The following GPC6 variants were observed in gnomAD, a reference collection of about 807,000 sequenced individuals.
GPC6 encodes the protein glypican-6.
In GPC6, 14 loss-of-function variants were observed where a neutral mutation model predicts 55.2. The observed-to-expected ratio is 0.25, with a 90% CI of 0.17 to 0.40. GPC6 has a LOEUF of 0.40. GPC6 is among the 10% of genes least tolerant of loss of function. The pLI is 1.00. For missense variants in GPC6, 641 were observed against 708.5 expected (o/e 0.90, Z 1.08); for synonymous variants, 278 against 259.6 (o/e 1.07, Z -0.68).
intron 2 of GPC6, among the ~76,000 whole-genome samples, chr13:93,612,500 AACACACACACACACAC>A (rs3138575): frequency 7.2e-5 from 10 of 139,366 alleles, no homozygotes; most frequent in South Asian, 2.3e-4. Flanking sequence ...CTCCGTCTAA[AACACACACACACACAC>A]ACACACACAC....
chr13:94,131,934 A>G (rs186649658), intron 4 of GPC6, among the ~76,000 whole-genome samples: 1 of 152,316 alleles, frequency 6.6e-6, no homozygotes, highest in Admixed American at 6.5e-5. Flanking sequence ...AGTTTAGGAA[A>G]TCTTAGATTA....
At chr13:93,859,226 G>A (rs911191371) in intron 3 of GPC6, among the ~76,000 whole-genome samples, 1 of 151,448 alleles carries the variant, frequency 6.6e-6, no homozygotes, top group Admixed American at 6.6e-5. Context: ...GCACAAACAT[G>A]TACTTATACC....
rs1235253426 is a variant in GPC6, at chr13:93,896,757, G to T, written c.711+66212G>T. Among the ~76,000 whole-genome samples, 5 of 151,912 alleles carry T rather than the reference G, an allele frequency of 3.3e-5. No homozygotes were observed. In the East Asian group the frequency reaches 9.7e-4, roughly 29 times the overall value. On this transcript the variant is annotated intron_variant, in intron 3 of 8. Transcript: ENST00000377047. Reference sequence around the variant, plus strand: ...TGTTAGCCTCTTACTCTCGCATCAGGTTCATTTCATGTGACTATCACCTGG... The same window carrying T: ...TGTTAGCCTCTTACTCTCGCATCAGTTTCATTTCATGTGACTATCACCTGG...
intron 2 of GPC6, among the ~76,000 whole-genome samples, chr13:93,789,500 T>C (rs1338704707): frequency 1.3e-5 from 1 of 79,048 alleles, no homozygotes; most frequent in Non-Finnish European, 2.7e-5. Flanking sequence ...TCTCTCTCTC[T>C]CTCTCTCTCT....
At chr13:93,846,486 C>T (rs1031561879) in intron 3 of GPC6, among the ~76,000 whole-genome samples, 4 of 152,142 alleles carry the variant, frequency 2.6e-5, no homozygotes, top group Admixed American at 6.6e-5. Flanking sequence ...TAGTGCTATT[C>T]GACAGGAATA....
intron 5 of GPC6, among the ~76,000 whole-genome samples, chr13:94,295,930 A>G (rs1875309174): frequency 2.0e-5 from 3 of 151,960 alleles, no homozygotes; most frequent in African/African-American, 7.3e-5. Context: ...TATTCTGCCT[A>G]TCAGTTCCCA....
At chr13:93,735,187 A>G (rs189471004) in intron 2 of GPC6, among the ~76,000 whole-genome samples, 101 of 152,298 alleles carry the variant, frequency 6.6e-4, no homozygotes, top group African/African-American at 2.4e-3. Context: ...AAACTCAATT[A>G]ACTATTTCGT....
intron 6 of GPC6, among the ~76,000 whole-genome samples, chr13:94,359,713 T>C (rs1041867097): frequency 1.3e-5 from 2 of 152,176 alleles, no homozygotes; most frequent in African/African-American, 4.8e-5. Context: ...ACTGCTTAGC[T>C]ACCAAATCTA....
chr13:93,823,156 C>T (rs557167816), intron 2 of GPC6, among the ~76,000 whole-genome samples: 6 of 152,082 alleles, frequency 3.9e-5, no homozygotes, highest in African/African-American at 1.4e-4. Context: ...AGCCACCATG[C>T]CTGGCCGAAA....
At chr13:93,710,169 A>C (rs1044437440) in intron 2 of GPC6, among the ~76,000 whole-genome samples, 3 of 151,850 alleles carry the variant, frequency 2.0e-5, no homozygotes, top group African/African-American at 7.2e-5. Flanking sequence ...TTTGAATTAC[A>C]TGAACATAAT....
In GPC6 at chr13:93,988,705, T is replaced by C. The variant is rs1594645662; in HGVS notation, c.712-39024T>C. Among the ~76,000 whole-genome samples the C allele has an allele frequency of 2.0e-5, 3 of 152,186 alleles. No homozygotes were observed. In the South Asian group the frequency reaches 6.2e-4, roughly 32 times the overall value. ...TCCCCACCCTCATGACCTAATTGTC[T>C]CCCAAACGCTCTACCTCCTAATATT... is the stretch of plus-strand genomic sequence containing the variant. On this transcript the variant is annotated intron_variant, in intron 3 of 8. Coordinates refer to ENST00000377047, the MANE Select transcript of GPC6 (RefSeq NM_005708.5).
chr13:93,557,338 A>G (rs1240602816), intron 2 of GPC6, among the ~76,000 whole-genome samples: 1 of 152,176 alleles, frequency 6.6e-6, no homozygotes, highest in Admixed American at 6.5e-5. Context: ...TATTTAGAGT[A>G]CAAGTAGAAG....
intron 1 of GPC6, among the ~76,000 whole-genome samples, chr13:93,404,420 T>G (rs1876209602): frequency 6.6e-6 from 1 of 152,170 alleles, no homozygotes; most frequent in African/African-American, 2.4e-5. Context: ...AAGTGTTAAG[T>G]CTTTACATTT....
At chr13:94,178,957 G>T (rs1240274307) in intron 4 of GPC6, among the ~76,000 whole-genome samples, 1 of 152,170 alleles carries the variant, frequency 6.6e-6, no homozygotes, top group African/African-American at 2.4e-5. Context: ...CTGGAGCTCA[G>T]CCCTCCTTCT....
At chr13:93,614,093 C>T (rs528369851) in intron 2 of GPC6, among the ~76,000 whole-genome samples, 1 of 152,308 alleles carries the variant, frequency 6.6e-6, no homozygotes, top group African/African-American at 2.4e-5. Context: ...ACTTTATTTT[C>T]TCCTCAAATA....
chr13:94,207,830 T>C (rs1305602694), intron 4 of GPC6, among the ~76,000 whole-genome samples: 1 of 152,208 alleles, frequency 6.6e-6, no homozygotes, highest in East Asian at 1.9e-4. Context: ...TTCAACTTGC[T>C]CTTCTGTAAG....
intron 1 of GPC6, among the ~76,000 whole-genome samples, chr13:93,358,792 C>T (rs1880942043): frequency 6.6e-6 from 1 of 151,906 alleles, no homozygotes; most frequent in Admixed American, 6.6e-5. Context: ...GTAAGTGGCT[C>T]CAGCACGAGT....
chr13:93,741,577 G>C (rs1884204821), intron 2 of GPC6, among the ~76,000 whole-genome samples: 1 of 152,068 alleles, frequency 6.6e-6, no homozygotes, highest in Admixed American at 6.6e-5. Context: ...CTCTTCCTTA[G>C]ACGTAATATA....
chr13:94,129,892 G>T (rs1158235408), intron 4 of GPC6, among the ~76,000 whole-genome samples: 1 of 152,076 alleles, frequency 6.6e-6, no homozygotes, highest in African/African-American at 2.4e-5. Flanking sequence ...TAGGATAAAT[G>T]GAAAGTATAA....
Sources: gnomAD v4.1 joint callset for allele counts (sites outside exome capture counted in the v4.1 genomes callset) on GRCh38, gnomAD v4.1.1 for gene constraint, MANE v1.5 for transcripts, NCBI Gene and HGNC (gene_info 2026-07-23, HGNC 2026-07-21) for gene names.